Variants in SGCZ observed in about 807,000 individuals in gnomAD.
SGCZ encodes sarcoglycan zeta, also known as zeta-sarcoglycan.
In SGCZ, 40 loss-of-function variants were observed where a neutral mutation model predicts 41.3. The observed-to-expected ratio is 0.97, with a 90% CI of 0.75 to 1.26. The LOEUF (loss-of-function observed/expected upper bound fraction) is 1.26. Among genes scored for constraint, SGCZ ranks in the 50% most tolerant of loss-of-function variants. SGCZ has a pLI of 0.00. For missense variants in SGCZ, 552 were observed against 369.8 expected, an observed-to-expected ratio of 1.49 and a Z score of -4.04; for synonymous variants, 206 against 137.5, an observed-to-expected ratio of 1.50 and a Z score of -3.49.
intron 2 of SGCZ, among the ~76,000 whole-genome samples, chr8:14,551,002 A>C (rs1803789696): frequency 6.6e-6 from 1 of 151,926 alleles, no homozygotes; most frequent in Admixed American, 6.6e-5. Flanking sequence ...TGTTTAATTA[A>C]TCAATTGCTT....
intron 1 of SGCZ, among the ~76,000 whole-genome samples, chr8:14,724,394 A>G (rs1809986596): frequency 6.6e-6 from 1 of 151,978 alleles, no homozygotes; most frequent in Non-Finnish European, 1.5e-5. Context: ...AGAGAATAAC[A>G]TGATAGCCTC....
At chr8:14,576,226 C>T (rs17119840) in intron 1 of SGCZ, among the ~76,000 whole-genome samples, 4,004 of 152,090 alleles carry the variant, frequency 0.026, 182 homozygotes, top group African/African-American at 0.091. Context: ...TCTATGTCGG[C>T]ATATTGAAAA....
At chr8:14,826,561 G>A (rs1279154193) in intron 1 of SGCZ, among the ~76,000 whole-genome samples, 1 of 152,140 alleles carries the variant, frequency 6.6e-6, no homozygotes, top group Non-Finnish European at 1.5e-5. Context: ...CAGTGTAGAA[G>A]TGTTCCTATT....
intron 3 of SGCZ, among the ~76,000 whole-genome samples, chr8:14,311,245 T>C (rs1009786689): frequency 3.3e-5 from 5 of 152,154 alleles, no homozygotes; most frequent in Non-Finnish European, 7.3e-5. Context: ...ATTGTTTACA[T>C]GCTCAGTTCC....
chr8:14,233,894 C>A (rs1255941285), intron 4 of SGCZ, among the ~76,000 whole-genome samples: 1 of 151,864 alleles, frequency 6.6e-6, no homozygotes, highest in Non-Finnish European at 1.5e-5. Context: ...TTCAAGGAGT[C>A]TGACCTCTTG....
intron 5 of SGCZ, among the ~76,000 whole-genome samples, chr8:14,153,222 G>A (rs1370764826): frequency 6.6e-6 from 1 of 152,186 alleles, no homozygotes; most frequent in Non-Finnish European, 1.5e-5. Flanking sequence ...TATGTACACT[G>A]ATAACTGTCT....
At chr8:14,422,131 C>T (rs17301991) in intron 2 of SGCZ, among the ~76,000 whole-genome samples, 32,325 of 151,848 alleles carry the variant, frequency 0.21, 4,052 homozygotes, top group Non-Finnish European at 0.3. Flanking sequence ...ATTTTAGAAA[C>T]GAGAAAACAC....
At chr8:14,803,345 C>G (rs112503652) in intron 1 of SGCZ, among the ~76,000 whole-genome samples, 5 of 152,082 alleles carry the variant, frequency 3.3e-5, no homozygotes, top group African/African-American at 7.2e-5. Context: ...GAGTGCCAGA[C>G]AGTGGGCGCA....
intron 3 of SGCZ, among the ~76,000 whole-genome samples, chr8:14,253,654 A>C (rs1245015354): frequency 2.0e-5 from 3 of 152,096 alleles, no homozygotes; most frequent in Non-Finnish European, 2.9e-5. Context: ...GTAAATTTGC[A>C]GACTCTGTGT....
chr8:14,311,999 G>A (rs1287182624), intron 3 of SGCZ, among the ~76,000 whole-genome samples: 1 of 152,200 alleles, frequency 6.6e-6, no homozygotes, highest in Non-Finnish European at 1.5e-5. Flanking sequence ...TGTGACACTG[G>A]AAACAAAATA....
At chr8:14,318,514 C>A (rs1170765982) in intron 3 of SGCZ, among the ~76,000 whole-genome samples, 1 of 151,860 alleles carries the variant, frequency 6.6e-6, no homozygotes. Flanking sequence ...GAAAGTCAAG[C>A]CCAGATAAAC....
intron 1 of SGCZ, among the ~76,000 whole-genome samples, chr8:14,965,618 C>T (rs555801178): frequency 3.9e-5 from 6 of 152,178 alleles, no homozygotes; most frequent in African/African-American, 1.4e-4. Flanking sequence ...GAATTTAAAG[C>T]ATTACAGTCT....
chr8:15,111,770 C>T (rs1299786725), intron 1 of SGCZ, among the ~76,000 whole-genome samples: 3 of 151,904 alleles, frequency 2.0e-5, no homozygotes, highest in South Asian at 2.1e-4. Flanking sequence ...TGTGGTGGCG[C>T]GTGTCTGTAA....
chr8:14,115,656 A>G (rs566773379), intron 5 of SGCZ, among the ~76,000 whole-genome samples: 10 of 152,038 alleles, frequency 6.6e-5, no homozygotes, highest in African/African-American at 1.9e-4. Context: ...TATTCTTATG[A>G]ACGTAAATCT....
At chr8:14,757,919 TTAAA>T (rs1189696508) in intron 1 of SGCZ, among the ~76,000 whole-genome samples, 2 of 152,272 alleles carry the variant, frequency 1.3e-5, no homozygotes, top group East Asian at 1.9e-4. Flanking sequence ...TTTAAATGTG[TTAAA>T]TAGTTTCATC....
chr8:14,747,313 G>T (rs961653805), intron 1 of SGCZ, among the ~76,000 whole-genome samples: 1 of 152,048 alleles, frequency 6.6e-6, no homozygotes, highest in Non-Finnish European at 1.5e-5. Flanking sequence ...ACATCTAGCC[G>T]CCCTCAACAC....
intron 1 of SGCZ, among the ~76,000 whole-genome samples, chr8:14,704,495 CT>C (rs1343602739): frequency 6.6e-6 from 1 of 151,814 alleles, no homozygotes; most frequent in Non-Finnish European, 1.5e-5. Context: ...ATTAATTCAC[CT>C]TAATGATTAT....
At chr8:14,360,630 A>G (rs557540689) in intron 2 of SGCZ, among the ~76,000 whole-genome samples, 12 of 129,662 alleles carry the variant, frequency 9.3e-5, no homozygotes, top group African/African-American at 5.5e-4. Context: ...CTGGCTGTTT[A>G]TTTATTTATT....
At chr8:14,882,824 T>A (rs910116509) in intron 1 of SGCZ, among the ~76,000 whole-genome samples, 2 of 152,132 alleles carry the variant, frequency 1.3e-5, no homozygotes, top group African/African-American at 4.8e-5. Flanking sequence ...CCCTGTCGGC[T>A]CAGCATCATT....
Sources: gnomAD v4.1 joint callset for allele counts (sites outside exome capture counted in the v4.1 genomes callset) on GRCh38, gnomAD v4.1.1 for gene constraint, MANE v1.5 for transcripts, NCBI Gene and HGNC (gene_info 2026-07-23, HGNC 2026-07-21) for gene names.